Variants in RAB6A observed in about 807,000 individuals in gnomAD.
RAB6A encodes the protein RAB6A, member RAS oncogene family.
RAB6A carries 8 observed loss-of-function variants against 32.3 expected under a neutral mutation model. The observed-to-expected ratio is 0.25, with a 90% CI of 0.15 to 0.45. The LOEUF (loss-of-function observed/expected upper bound fraction) is 0.45. Ranked by LOEUF, RAB6A falls within the 20% of genes least tolerant of loss-of-function variation. The pLI is 1.00. For missense variants in RAB6A, 104 were observed against 249.4 expected (o/e 0.42, Z 3.93); for synonymous variants, 73 against 82.1 (o/e 0.89, Z 0.60).
At chr11:73,695,443 A>G (rs1003997078) in intron 6 of RAB6A, among the ~76,000 whole-genome samples, 1 of 151,778 alleles carries the variant, frequency 6.6e-6, no homozygotes, top group Non-Finnish European at 1.5e-5. Flanking sequence ...ACAGTGGCGC[A>G]ATCTCGGCTC....
chr11:73,683,647 G>A (rs557211956), intron 6 of RAB6A, among the ~76,000 whole-genome samples: 1 of 151,864 alleles, frequency 6.6e-6, no homozygotes, highest in African/African-American at 2.4e-5. Flanking sequence ...CCGCCTCCTG[G>A]GTTCAAGTGA....
chr11:73,757,274 G>A (rs1323606944), intron 1 of RAB6A, among the ~76,000 whole-genome samples: 2 of 149,390 alleles, frequency 1.3e-5, no homozygotes, highest in Admixed American at 6.7e-5. Context: ...CTCCTGAGTA[G>A]CTGGGATTAC....
intron 1 of RAB6A, among the ~76,000 whole-genome samples, chr11:73,731,524 C>T (rs1242739708): frequency 1.4e-4 from 19 of 138,110 alleles, no homozygotes; most frequent in Non-Finnish European, 2.2e-4. Flanking sequence ...AGCCTGGCAA[C>T]AGAGACTCCG....
intron 1 of RAB6A, among the ~76,000 whole-genome samples, chr11:73,736,977 C>CAAAAAAAAAAAAAAAAAAAA (rs535172648): frequency 1.5e-5 from 1 of 64,952 alleles, no homozygotes; most frequent in Non-Finnish European, 2.9e-5. Context: ...GACACTGTCT[C>CAAAAAAAAAAAAAAAAAAAA]AAAAAAAAAA....
intron 5 of RAB6A, among the ~76,000 whole-genome samples, chr11:73,710,198 C>T (rs1446884780): frequency 6.7e-6 from 1 of 149,258 alleles, no homozygotes. Flanking sequence ...GATCTCCGGA[C>T]CTCGTGATCC....
intron 1 of RAB6A, among the ~76,000 whole-genome samples, chr11:73,747,237 GCT>G (rs1233619543): frequency 2.0e-5 from 3 of 146,784 alleles, no homozygotes; most frequent in Non-Finnish European, 4.5e-5. Flanking sequence ...ACGGAGTCTT[GCT>G]CTGTCGCCCA....
chr11:73,758,498 T>C (rs1946794524), intron 1 of RAB6A, among the ~76,000 whole-genome samples: 1 of 152,054 alleles, frequency 6.6e-6, no homozygotes, highest in African/African-American at 2.4e-5. Context: ...ATGAAGTCTA[T>C]TAAAAAAAAT....
At chr11:73,722,327 ATATATATATATATATATTT>A (rs1946149390) in intron 2 of RAB6A, 5 of 11,966 alleles carry the variant, frequency 4.2e-4, no homozygotes, top group African/African-American at 5.3e-4. Context: ...ATATATATAT[ATATATATATATATATATTT>A]TTTTTTTTTT....
At chr11:73,713,777 A>G in intron 5 of RAB6A, among the ~76,000 whole-genome samples, 1 of 152,200 alleles carries the variant, frequency 6.6e-6, no homozygotes. Flanking sequence ...TAGTGGAACG[A>G]ACAAGCTGTA....
intron 7 of RAB6A, among the ~76,000 whole-genome samples, chr11:73,679,225 ATAT>A (rs1345721195): frequency 6.6e-6 from 1 of 152,216 alleles, no homozygotes; most frequent in Non-Finnish European, 1.5e-5. Context: ...AAATGAACTA[ATAT>A]TATGTCCTGT....
At chr11:73,755,504 G>A (rs1257185714) in intron 1 of RAB6A, among the ~76,000 whole-genome samples, 1 of 152,100 alleles carries the variant, frequency 6.6e-6, no homozygotes, top group Admixed American at 6.6e-5. Flanking sequence ...TGTTGCCCAG[G>A]CTGGTCTCGA....
At chr11:73,733,147 T>C (rs1946344094) in intron 1 of RAB6A, among the ~76,000 whole-genome samples, 1 of 152,126 alleles carries the variant, frequency 6.6e-6, no homozygotes, top group Non-Finnish European at 1.5e-5. Context: ...AAACTTGTCT[T>C]GGTTGGCAGA....
intron 5 of RAB6A, among the ~76,000 whole-genome samples, chr11:73,714,809 T>C (rs1946029256): frequency 2.0e-5 from 3 of 149,302 alleles, no homozygotes; most frequent in South Asian, 2.1e-4. Flanking sequence ...CTACTAAAAA[T>C]ACAAAAATTT....
At chr11:73,703,283 A>C (rs1185140455) in intron 6 of RAB6A, among the ~76,000 whole-genome samples, 3 of 152,214 alleles carry the variant, frequency 2.0e-5, no homozygotes, top group Non-Finnish European at 1.5e-5. Context: ...AGTCTAGCTA[A>C]GAAAATTCTT....
intron 6 of RAB6A, among the ~76,000 whole-genome samples, chr11:73,691,257 G>A (rs941244252): frequency 6.6e-6 from 1 of 152,220 alleles, no homozygotes; most frequent in Non-Finnish European, 1.5e-5. Context: ...AAACTTCAGT[G>A]AGAGAATGTG....
intron 1 of RAB6A, chr11:73,759,948 G>C: frequency 2.8e-5 from 28 of 1,008,856 alleles, no homozygotes; most frequent in South Asian, 8.0e-5. Flanking sequence ...ACCACCCCAT[G>C]CTCAAGTCGT....
chr11:73,738,670 A>G (rs1251352264), intron 1 of RAB6A, among the ~76,000 whole-genome samples: 1 of 151,980 alleles, frequency 6.6e-6, no homozygotes, highest in African/African-American at 2.4e-5. Context: ...TAAAATAAAT[A>G]TCCAATATTG....
chr11:73,733,564 T>A lies in RAB6A; in HGVS notation c.71-2741A>T, dbSNP rs910451196. 3.6e-3 allele frequency among the ~76,000 whole-genome samples: 537 copies of A among 148,512 alleles called. 2 individuals are homozygous for A. Among genetic ancestry groups the A allele is most frequent in the East Asian group, 6.3e-3 (32 of 5,050 alleles). On this transcript the variant is annotated intron_variant, in intron 1 of 7. Transcript: ENST00000336083. ...AGACACCATCTCAAAAAAAAAAAAA[T>A]AAATAAATAAAAATAAATAAATAAA...
intron 2 of RAB6A, among the ~76,000 whole-genome samples, chr11:73,721,316 T>C (rs1385108531): frequency 6.6e-6 from 1 of 152,232 alleles, no homozygotes; most frequent in Non-Finnish European, 1.5e-5. Context: ...ACTGTTGATA[T>C]ATTGTCAACT....
Sources: gnomAD v4.1 joint callset for allele counts (sites outside exome capture counted in the v4.1 genomes callset) on GRCh38, gnomAD v4.1.1 for gene constraint, MANE v1.5 for transcripts, NCBI Gene and HGNC (gene_info 2026-07-23, HGNC 2026-07-21) for gene names.